Variants in SLC34A1 observed in about 807,000 individuals in gnomAD.
SLC34A1 encodes the protein solute carrier family 34 member 1.
In SLC34A1, 57 loss-of-function variants were observed where a neutral mutation model predicts 51.4. The observed-to-expected ratio is 1.11, with a 90% CI of 0.90 to 1.38. SLC34A1 has a LOEUF of 1.38. Among genes scored for constraint, SLC34A1 ranks in the 40% most tolerant of loss-of-function variants. The pLI is 0.00. For synonymous variants in SLC34A1, 368 were observed against 358.0 expected, an observed-to-expected ratio of 1.03 and a Z score of -0.32; for missense variants, 796 against 835.6, an observed-to-expected ratio of 0.95 and a Z score of 0.58.
rs1012873546 is a variant in SLC34A1, at chr5:177,388,452, A to G, written c.936+80A>G. On this transcript the variant is annotated intron_variant, in intron 8 of 12. Transcript: ENST00000324417. This position sits in a 1 kb window ranked among gnomAD's most constrained non-coding sequence, Gnocchi z 4.3. ...TCATTGTCTGTTCAAAATGCTCCAG[A>G]TAGACCTTGAAGATCATTTAGCCAG... 7.3e-6 allele frequency: 9 copies of G among 1,231,280 alleles called. No individual in the cohort carries two copies. The highest frequency in any genetic ancestry group is 1.1e-5 in the Non-Finnish European group (9 of 840,500). The allele number at this position is 1,231,280 out of a possible 1,614,324, so 76.3% of individuals were successfully genotyped here. A position where few individuals can be genotyped will look rare whatever the true frequency, so the allele number is the denominator to read the frequency against.
In SLC34A1 at chr5:177,398,167, G is replaced by A. The variant is rs1455987939; in HGVS notation, c.1801G>A (p.Ala601Thr). 6.2e-7 allele frequency: 1 copy of A among 1,612,700 alleles called. No individual in the cohort carries two copies. Among genetic ancestry groups the A allele is most frequent in the African/African-American group, 1.3e-5 (1 of 75,024 alleles). The change falls in exon 13 of 13, where the codon GCC (alanine) becomes ACC (threonine). Residue 601 changes from alanine to threonine, a missense_variant. Transcript: ENST00000324417. The surrounding 1 kb of genome is among the most constrained non-coding windows in gnomAD (Gnocchi z 4.7). ...HLITRATLCC[A>T]RPEPRSPPLP... ...CATCACCCGCGCCACCCTATGCTGT[G>A]CCAGGCCTGAGCCCCGCTCACCCCC... is the stretch of plus-strand genomic sequence containing the variant.
Position 177,389,804 on chromosome 5 carries a change from ACCCAGG to A in SLC34A1, c.936+1433_936+1438del. 15 of 1,527,522 alleles carry A rather than the reference ACCCAGG, an allele frequency of 9.8e-6. 1 individual carries two copies. The South Asian group carries it at 1.7e-4, about 17-fold the overall frequency. 94.6% of individuals were successfully genotyped at this position (1,527,522 alleles called of 1,614,324 possible). A position where few individuals can be genotyped will look rare whatever the true frequency, so the allele number is the denominator to read the frequency against. ...CACGTCCTCACTTGAAGTCATCCTC[ACCCAGG>A]TTCACTCTGGGGAGGCCGCCCTTGG... On this transcript the variant is annotated intron_variant, in intron 8 of 12. Coordinates refer to ENST00000324417, the MANE Select transcript of SLC34A1 (RefSeq NM_003052.5).
chr5:177,389,107 T>C (rs1245908695), intron 8 of SLC34A1, among the ~76,000 whole-genome samples: 1 of 152,144 alleles, frequency 6.6e-6, no homozygotes, highest in African/African-American at 2.4e-5. Context: ...TTCTGCTGCT[T>C]CTAATACTGG....
Position 177,385,708 on chromosome 5 carries a change from C to T in SLC34A1, c.-34C>T, listed in dbSNP as rs775495084. The T allele has an allele frequency of 4.0e-6, 6 of 1,506,330 alleles. No homozygotes were observed. Among genetic ancestry groups the T allele is most frequent in the Admixed American group, 1.7e-5 (1 of 57,606 alleles). The allele number at this position is 1,506,330 out of a possible 1,614,324, so 93.3% of individuals were successfully genotyped here. ...ATTGTCATTCAGCGTTGCTGAGACC[C>T]ACTGACCTGCAGACCTCATAGTGGG... On this transcript the variant is annotated 5_prime_UTR_variant, in exon 2 of 13. Transcript: ENST00000324417.
rs1762670567 is a variant in SLC34A1, at chr5:177,388,180, C to T, written c.831C>T (p.Leu277=). ...LKIITEPFTK[L]IIQLDESVIT... ...TCATCACAGAGCCCTTCACGAAGCT[C>T]ATCATCCAGGTGACAGCAGGGCCTG... is the stretch of plus-strand genomic sequence containing the variant. The change falls in exon 7 of 13, where the codon CTC becomes CTT. Residue 277 remains leucine (L), a synonymous_variant. Coordinates refer to ENST00000324417, the MANE Select transcript of SLC34A1 (RefSeq NM_003052.5). This position sits in a 1 kb window ranked among gnomAD's most constrained non-coding sequence, Gnocchi z 4.3. 1 of 1,614,018 alleles carries T rather than the reference C, an allele frequency of 6.2e-7. No individual in the cohort carries two copies. The highest frequency in any genetic ancestry group is 1.3e-5 in the African/African-American group (1 of 74,906).
intron 8 of SLC34A1, among the ~76,000 whole-genome samples, chr5:177,392,121 A>G (rs531267058): frequency 3.3e-5 from 5 of 152,336 alleles, no homozygotes; most frequent in Admixed American, 1.3e-4. Context: ...CATTCAAGGG[A>G]GCACATCCCG....
At chr5:177,387,669 G>T (rs1289123062) in intron 5 of SLC34A1, 93 bp from the exon 6 acceptor site, 14 of 1,061,468 alleles carry the variant, frequency 1.3e-5, no homozygotes, top group Non-Finnish European at 2.0e-5. Flanking sequence ...GGCCACTGGG[G>T]ACTGGGACGT....
At chr5:177,387,063 G>T (rs1270289691) in intron 5 of SLC34A1, among the ~76,000 whole-genome samples, 1 of 152,000 alleles carries the variant, frequency 6.6e-6, no homozygotes, top group Non-Finnish European at 1.5e-5. Context: ...GCCTAGCTAA[G>T]TTGACACATA....
chr5:177,385,260 G>T (rs764198119), intron 1 of SLC34A1, among the ~76,000 whole-genome samples: 3 of 152,172 alleles, frequency 2.0e-5, no homozygotes, highest in Non-Finnish European at 4.4e-5. Flanking sequence ...CCAACACCAC[G>T]TATTCCCTGG....
rs767992444 is a variant in SLC34A1 at position 177,397,072 on chromosome 5, C to G, written c.1414C>G (p.Gln472Glu). 3.7e-6 allele frequency: 6 copies of G among 1,613,058 alleles called. No individual in the cohort carries two copies. The highest frequency in any genetic ancestry group is 3.4e-6 in the Non-Finnish European group (4 of 1,179,916). The stretch of plus-strand genomic sequence containing the variant: ...CAGGGAGAAGCTGTCCAGCGCTTTC[C>G]AGGTGCGCTGGGAGTGTAGCCTCGC... ...SPREKLSSAF[Q>E]IALCHFFFNI... Residue 472 changes from glutamine to glutamate, a missense_variant and splice_region_variant, in exon 12 of 13, where the codon CAG (glutamine) becomes GAG (glutamate). Gln to Glu is a conservative substitution (Grantham distance 29). Coordinates refer to ENST00000324417, the MANE Select transcript of SLC34A1 (RefSeq NM_003052.5).
chr5:177,395,901 TG>T (rs1762939484), intron 10 of SLC34A1, among the ~76,000 whole-genome samples: 1 of 152,216 alleles, frequency 6.6e-6, no homozygotes, highest in Non-Finnish European at 1.5e-5. Context: ...CCCAAAGTGC[TG>T]GGATTACAAG....
chr5:177,387,967 G>A, intron 6 of SLC34A1, 27 bp from the exon 7 acceptor site: 3 of 1,611,654 alleles, frequency 1.9e-6, no homozygotes. Context: ...GCTCGAGCCT[G>A]CCTTGCAATG....
In SLC34A1 at chr5:177,388,002, C is replaced by T. The variant is rs141770901; in HGVS notation, c.653C>T (p.Ala218Val). The part of the protein sequence containing the change: ...GDRTDFRRAF[A>V]GATVHDCFNW... ...GTGGCCTCCCTGCCCAGGGCCTTCG[C>T]GGGGGCCACGGTGCATGACTGCTTT... Residue 218 changes from alanine (A) to valine (V), a missense_variant, in exon 7 of 13, where the codon GCG (alanine) becomes GTG (valine). Transcript: ENST00000324417. The surrounding 1 kb of genome is among the most constrained non-coding windows in gnomAD (Gnocchi z 4.3). 98 of 1,612,750 alleles carry T rather than the reference C, an allele frequency of 6.1e-5. No individual in the cohort carries two copies. The highest frequency in any genetic ancestry group is 2.3e-4 in the South Asian group (21 of 91,062).
intron 8 of SLC34A1, among the ~76,000 whole-genome samples, chr5:177,392,144 CG>C (rs1762827626): frequency 1.3e-5 from 2 of 152,194 alleles, no homozygotes; most frequent in South Asian, 4.1e-4. Flanking sequence ...AAAATAAACC[CG>C]GATGTTACAC....
At chr5:177,394,567 A>C (rs1364475140) in intron 10 of SLC34A1, among the ~76,000 whole-genome samples, 1 of 152,208 alleles carries the variant, frequency 6.6e-6, no homozygotes, top group East Asian at 1.9e-4. Flanking sequence ...AAGCAATGAA[A>C]AATACATGAG....
intron 8 of SLC34A1, chr5:177,390,049 G>A: frequency 8.2e-7 from 1 of 1,216,554 alleles, no homozygotes; most frequent in South Asian, 2.1e-5. Flanking sequence ...GATGTGCTTG[G>A]TCTTGCAAAG....
chr5:177,385,904 C>A, intron 2 of SLC34A1, 54 bp downstream of exon 2: 1 of 1,609,576 alleles, frequency 6.2e-7, no homozygotes, highest in South Asian at 1.1e-5. Context: ...GCCCACATCC[C>A]GGATGAGGCC....
rs982381754 is a variant in SLC34A1, at chr5:177,386,720, G to C, written c.532+154G>C. On this transcript the variant is annotated intron_variant, in intron 5 of 12. Transcript: ENST00000324417. This position sits in a 1 kb window ranked among gnomAD's most constrained non-coding sequence, Gnocchi z 4.8. Reference sequence around the variant, plus strand: ...ACATGAGAGGAGCCCAACTGTAGCTGTATGTGACCCAGATGATTTATGGCA... The same window carrying C: ...ACATGAGAGGAGCCCAACTGTAGCTCTATGTGACCCAGATGATTTATGGCA... 1.3e-5 allele frequency among the ~76,000 whole-genome samples: 2 copies of C among 152,198 alleles called. No individual in the cohort carries two copies. The highest frequency in any genetic ancestry group is 4.8e-5 in the African/African-American group (2 of 41,458).
In SLC34A1 at chr5:177,398,247, T is replaced by C. The variant is rs775649349; in HGVS notation, c.1881T>C (p.Arg627=). 1.0e-5 allele frequency: 16 copies of C among 1,599,564 alleles called. No homozygotes were observed. Among genetic ancestry groups the C allele is most frequent in the Non-Finnish European group, 1.4e-5 (16 of 1,179,844 alleles). Residue 627 remains arginine (R), a synonymous_variant, in exon 13 of 13, where the codon CGT becomes CGC. Transcript: ENST00000324417. The surrounding 1 kb of genome is among the most constrained non-coding windows in gnomAD (Gnocchi z 4.7). ...EELPPATPSP[R]LALPAHHNAT... ...TACCCCCTGCCACACCCTCCCCCCGTCTTGCACTGCCTGCTCACCACAATG... is the reference window on the plus strand; with the variant it reads ...TACCCCCTGCCACACCCTCCCCCCGCCTTGCACTGCCTGCTCACCACAATG...
Sources: gnomAD v4.1 joint callset for allele counts (sites outside exome capture counted in the v4.1 genomes callset) on GRCh38, gnomAD v4.1.1 for gene constraint, Gnocchi (gnomAD v3.1) non-coding constraint, MANE v1.5 for transcripts, NCBI Gene and HGNC (gene_info 2026-07-23, HGNC 2026-07-21) for gene names.